SUGCT: variants seen among roughly 807,000 people sequenced by gnomAD.
SUGCT encodes the protein succinyl-CoA:glutarate CoA-transferase.
Under a neutral mutation model 55.0 loss-of-function variants are expected in SUGCT, and 41 were observed. The observed-to-expected ratio is 0.74, with a 90% CI of 0.58 to 0.97. The LOEUF is 0.97. SUGCT is among the 50% of genes least tolerant of loss of function. The pLI is 0.00. For synonymous variants in SUGCT, 187 were observed against 200.4 expected, an observed-to-expected ratio of 0.93 and a Z score of 0.56; for missense variants, 568 against 547.8, an observed-to-expected ratio of 1.04 and a Z score of -0.37.
At chr7:40,606,742 C>A (rs1438393717) in intron 12 of SUGCT, among the ~76,000 whole-genome samples, 1 of 152,054 alleles carries the variant, frequency 6.6e-6, no homozygotes, top group Non-Finnish European at 1.5e-5. Context: ...TAATGTCAAC[C>A]AACGTAAGCT....
At chr7:40,704,673 G>T (rs762775190) in intron 12 of SUGCT, among the ~76,000 whole-genome samples, 14 of 152,140 alleles carry the variant, frequency 9.2e-5, no homozygotes, top group Non-Finnish European at 2.9e-5. Context: ...GTTAGGGAAG[G>T]TTTTGTCGTT....
chr7:40,924,712 C>T, the SUGCT span, among the ~76,000 whole-genome samples: 4 of 152,274 alleles, frequency 2.6e-5, no homozygotes, highest in South Asian at 6.2e-4. Context: ...CTCTGGGGCT[C>T]AGATTTACAG....
intron 6 of SUGCT, among the ~76,000 whole-genome samples, chr7:40,222,908 A>T (rs940716843): frequency 6.6e-6 from 1 of 152,070 alleles, no homozygotes; most frequent in Non-Finnish European, 1.5e-5. Context: ...GATTACAGGC[A>T]TAAGCTACCA....
At chr7:40,442,448 A>G (rs921110816) in intron 9 of SUGCT, among the ~76,000 whole-genome samples, 1 of 152,094 alleles carries the variant, frequency 6.6e-6, no homozygotes, top group Non-Finnish European at 1.5e-5. Flanking sequence ...GCTACTTAAT[A>G]GTTGCTTCTT....
chr7:40,645,251 C>T (rs1800446575), intron 12 of SUGCT, among the ~76,000 whole-genome samples: 1 of 152,094 alleles, frequency 6.6e-6, no homozygotes, highest in Non-Finnish European at 1.5e-5. Context: ...GGGAGTTGGA[C>T]AAGGAGATCA....
chr7:40,526,338 C>T (rs1161697556), intron 12 of SUGCT, among the ~76,000 whole-genome samples: 1 of 152,040 alleles, frequency 6.6e-6, no homozygotes, highest in Non-Finnish European at 1.5e-5. Flanking sequence ...CTCAGTTAGC[C>T]CTCAATAGCT....
intron 12 of SUGCT, among the ~76,000 whole-genome samples, chr7:40,547,578 T>A (rs1393632682): frequency 6.6e-6 from 1 of 152,218 alleles, no homozygotes; most frequent in Non-Finnish European, 1.5e-5. Context: ...TCTGAGATAC[T>A]AAGATTATCT....
At position 40,405,822 on chromosome 7, in the gene SUGCT, A is replaced by G. The variant is rs570812715; in HGVS notation, c.817-43465A>G. Among the ~76,000 whole-genome samples, 327 of 151,716 alleles carry G rather than the reference A, an allele frequency of 2.2e-3. 1 individual carries two copies. The highest frequency in any genetic ancestry group is 3.7e-3 in the Non-Finnish European group (249 of 67,842). On this transcript the variant is annotated intron_variant, in intron 9 of 13. Coordinates refer to ENST00000335693, the MANE Select transcript of SUGCT (RefSeq NM_001193313.2). ...AAGACTCTGTCTAAAAAAAAAAAAA[A>G]AAAAAAAAGAAAAACCAATGAGGAA...
At chr7:40,635,745 G>A (rs975566952) in intron 12 of SUGCT, among the ~76,000 whole-genome samples, 2 of 152,132 alleles carry the variant, frequency 1.3e-5, no homozygotes, top group African/African-American at 4.8e-5. Context: ...AAACGAAGGG[G>A]CAAGTTATCA....
At chr7:40,223,663 T>A (rs1188095899) in intron 6 of SUGCT, among the ~76,000 whole-genome samples, 1 of 152,226 alleles carries the variant, frequency 6.6e-6, no homozygotes, top group Non-Finnish European at 1.5e-5. Context: ...AAGTCTGCAC[T>A]TTTGAAAAGA....
chr7:40,319,381 T>G lies in SUGCT; in HGVS notation c.816+2526T>G. Among the ~76,000 whole-genome samples, 2 of 152,126 alleles carry G rather than the reference T, an allele frequency of 1.3e-5. 1 individual carries two copies. The highest frequency in any genetic ancestry group is 2.9e-5 in the Non-Finnish European group (2 of 68,034). On this transcript the variant is annotated intron_variant, in intron 9 of 13. Coordinates refer to ENST00000335693, the MANE Select transcript of SUGCT (RefSeq NM_001193313.2). ...TCTGTTTTCAATTTTAAAAATAGAT[T>G]GGGGGAATATTTTTGTGGGTGAATG...
intron 12 of SUGCT, among the ~76,000 whole-genome samples, chr7:40,658,606 G>C (rs907662174): frequency 6.6e-6 from 1 of 152,116 alleles, no homozygotes; most frequent in South Asian, 2.1e-4. Context: ...GCTGTACTCC[G>C]ATTTGATCTA....
rs374054035 is a variant in SUGCT at position 40,822,329 on chromosome 7, C to G, written c.1154-37987C>G. 3.9e-4 allele frequency among the ~76,000 whole-genome samples: 60 copies of G among 152,228 alleles called. No homozygotes were observed. The East Asian group carries it at 8.5e-3, about 22-fold the overall frequency. The stretch of plus-strand genomic sequence containing the variant: ...ATTCCTGGATATCCTTGTTAACTTT[C>G]TGTCTCGTTGATCTGTCTAATATTG... On this transcript the variant is annotated intron_variant, in intron 13 of 13. Coordinates refer to ENST00000335693, the MANE Select transcript of SUGCT (RefSeq NM_001193313.2).
intron 12 of SUGCT, among the ~76,000 whole-genome samples, chr7:40,508,594 C>T (rs752981444): frequency 2.0e-5 from 3 of 151,968 alleles, no homozygotes; most frequent in Non-Finnish European, 4.4e-5. Context: ...TGGAATAAGC[C>T]ATGGCTCAAA....
At chr7:40,246,259 T>TG (rs1340535464) in intron 7 of SUGCT, among the ~76,000 whole-genome samples, 1 of 151,720 alleles carries the variant, frequency 6.6e-6, no homozygotes, top group Non-Finnish European at 1.5e-5. Context: ...TTCTTTTTTT[T>TG]TTTTCTTTGA....
chr7:40,853,108 A>G (rs944796202), intron 13 of SUGCT, among the ~76,000 whole-genome samples: 26 of 151,738 alleles, frequency 1.7e-4, no homozygotes, highest in Admixed American at 3.3e-4. Context: ...AGTAAATTCC[A>G]GAAGAGTAGG....
chr7:40,687,938 G>A (rs1784537490), intron 12 of SUGCT, among the ~76,000 whole-genome samples: 1 of 152,084 alleles, frequency 6.6e-6, no homozygotes, highest in Non-Finnish European at 1.5e-5. Flanking sequence ...TTTCTTTTGT[G>A]TGTATTTGGA....
chr7:40,890,735 T>G, the SUGCT span, among the ~76,000 whole-genome samples: 1 of 152,122 alleles, frequency 6.6e-6, no homozygotes, highest in African/African-American at 2.4e-5. Flanking sequence ...ACTTACTTCT[T>G]CAGATGCATA....
At chr7:40,293,279 G>A (rs550329361) in intron 8 of SUGCT, among the ~76,000 whole-genome samples, 1 of 152,190 alleles carries the variant, frequency 6.6e-6, no homozygotes, top group African/African-American at 2.4e-5. Context: ...ACGCTCAGGA[G>A]GACTCAACTT....
Sources: allele counts gnomAD v4.1 joint callset (sites outside exome capture counted in the v4.1 genomes callset), GRCh38; gene constraint gnomAD v4.1.1; transcripts MANE v1.5; gene names NCBI Gene and HGNC (gene_info 2026-07-23, HGNC 2026-07-21).